Variants in KIRREL3 observed in about 807,000 individuals in gnomAD.
KIRREL3 encodes the protein kirre like nephrin family adhesion molecule 3, also known as kin of IRRE-like protein 3.
In KIRREL3, 36 loss-of-function variants were observed where a neutral mutation model predicts 89.7. The ratio of observed to expected loss-of-function variants is 0.40; its 90% CI spans 0.31 to 0.53. KIRREL3 has a LOEUF of 0.53. Among genes scored for constraint, KIRREL3 ranks in the 20% least tolerant of loss-of-function variants. KIRREL3 has a pLI of 0.49. For missense variants in KIRREL3, 864 were observed against 1,056.6 expected, an observed-to-expected ratio of 0.82 and a Z score of 2.53; for synonymous variants, 445 against 441.4, an observed-to-expected ratio of 1.01 and a Z score of -0.10.
At position 126,441,933 on chromosome 11, in the gene KIRREL3, G is replaced by A. The variant is rs940592508; in HGVS notation, c.1253-1384C>T. ...TGAGGAGATTGATGTTTTAGGAACC[G>A]GATGGTGCTTTGTTTTATTGCTGGA... On this transcript the variant is annotated intron_variant, in intron 10 of 16. Coordinates refer to ENST00000525144, the MANE Select transcript of KIRREL3 (RefSeq NM_032531.4). This position sits in a 1 kb window ranked among gnomAD's most constrained non-coding sequence, Gnocchi z 5.0. 6.6e-6 allele frequency among the ~76,000 whole-genome samples: 1 copy of A among 152,058 alleles called. No homozygotes were observed. Among genetic ancestry groups the A allele is most frequent in the Non-Finnish European group, 1.5e-5 (1 of 68,012 alleles).
rs138642811 is a variant in KIRREL3 at position 126,770,904 on chromosome 11, C to T, written c.56-207992G>A. Among the ~76,000 whole-genome samples the T allele has an allele frequency of 3.7e-3, 571 of 152,268 alleles. 6 individuals carry two copies. Among genetic ancestry groups the T allele is most frequent in the African/African-American group, 0.013 (526 of 41,542 alleles). ...AGGCTGGAGTGGAGTGGTGCGATCT[C>T]GGCTCACTGCAAACTCCACCTCCCA... is the stretch of plus-strand genomic sequence containing the variant. On this transcript the variant is annotated intron_variant, in intron 1 of 16. Transcript: ENST00000525144.
Position 126,924,761 on chromosome 11 carries a change from A to G in KIRREL3, c.55+75694T>C, listed in dbSNP as rs570880078. ...TTGCTTGGCCAAGGTGATTAACTGG[A>G]TGCCTGCTGTGTGCTCATCCCTGCC... On this transcript the variant is annotated intron_variant, in intron 1 of 16. Transcript: ENST00000525144. This position sits in a 1 kb window ranked among gnomAD's most constrained non-coding sequence, Gnocchi z 4.7. Among the ~76,000 whole-genome samples the G allele has an allele frequency of 1.3e-5, 2 of 152,204 alleles. No individual in the cohort carries two copies. The highest frequency in any genetic ancestry group is 4.8e-5 in the African/African-American group (2 of 41,526).
chr11:126,818,916 G>C (rs905603304), intron 1 of KIRREL3, among the ~76,000 whole-genome samples: 7 of 152,096 alleles, frequency 4.6e-5, no homozygotes, highest in Admixed American at 4.6e-4. Flanking sequence ...GGCAATAGCA[G>C]GGGACGTATC....
chr11:126,440,093 T>C (rs1955502754), intron 11 of KIRREL3: 1 of 462,706 alleles, frequency 2.2e-6, no homozygotes, highest in Non-Finnish European at 4.1e-6. Context: ...ACCTGCGCTC[T>C]AAGATTTTGC....
chr11:126,852,331 C>T (rs117080038), intron 1 of KIRREL3, among the ~76,000 whole-genome samples: 7,451 of 152,250 alleles, frequency 0.049, 258 homozygotes, highest in Non-Finnish European at 0.073. Flanking sequence ...GGATTACAGG[C>T]GTGAGCCACC....
Position 126,830,673 on chromosome 11 carries a change from C to T in KIRREL3, c.55+169782G>A, listed in dbSNP as rs1943576530. Among the ~76,000 whole-genome samples, 1 of 152,158 alleles carries T rather than the reference C, an allele frequency of 6.6e-6. No homozygotes were observed. Among genetic ancestry groups the T allele is most frequent in the African/African-American group, 2.4e-5 (1 of 41,418 alleles). ...CTTAGGAAGGTGTTCGTGCCAGACG[C>T]ATTCATTGTCTAACTGCCTGGATGC... On this transcript the variant is annotated intron_variant, in intron 1 of 16. Coordinates refer to ENST00000525144, the MANE Select transcript of KIRREL3 (RefSeq NM_032531.4). The surrounding 1 kb of genome is among the most constrained non-coding windows in gnomAD (Gnocchi z 4.9).
At position 126,890,665 on chromosome 11, in the gene KIRREL3, C is replaced by T. The variant is rs1315640755; in HGVS notation, c.55+109790G>A. On this transcript the variant is annotated intron_variant, in intron 1 of 16. Coordinates refer to ENST00000525144, the MANE Select transcript of KIRREL3 (RefSeq NM_032531.4). The surrounding 1 kb of genome is among the most constrained non-coding windows in gnomAD (Gnocchi z 5.1). ...GGCCAAGCAGCTTCTATCAGCTTTTCTCTTTCTTTACAGGCCCTGCCCAAA... is the reference window on the plus strand; with the variant it reads ...GGCCAAGCAGCTTCTATCAGCTTTTTTCTTTCTTTACAGGCCCTGCCCAAA... Among the ~76,000 whole-genome samples, 2 of 152,226 alleles carry T rather than the reference C, an allele frequency of 1.3e-5. No homozygotes were observed. The highest frequency in any genetic ancestry group is 4.8e-5 in the African/African-American group (2 of 41,464).
In KIRREL3 at chr11:126,747,605, T is replaced by C. The variant is rs1350721714; in HGVS notation, c.56-184693A>G. Reference sequence around the variant, plus strand: ...ACAGAAAAGGCACTGTATATCCCTCTTTCGTGGTATTAGGAACCTGGTATA... The same window carrying C: ...ACAGAAAAGGCACTGTATATCCCTCCTTCGTGGTATTAGGAACCTGGTATA... On this transcript the variant is annotated intron_variant, in intron 1 of 16. Coordinates refer to ENST00000525144, the MANE Select transcript of KIRREL3 (RefSeq NM_032531.4). This position sits in a 1 kb window ranked among gnomAD's most constrained non-coding sequence, Gnocchi z 4.7. Among the ~76,000 whole-genome samples, 2 of 152,092 alleles carry C rather than the reference T, an allele frequency of 1.3e-5. No individual in the cohort carries two copies. Among genetic ancestry groups the C allele is most frequent in the Non-Finnish European group, 2.9e-5 (2 of 68,022 alleles).
intron 2 of KIRREL3, among the ~76,000 whole-genome samples, chr11:126,536,364 C>T (rs926100891): frequency 6.6e-6 from 1 of 152,110 alleles, no homozygotes; most frequent in African/African-American, 2.4e-5. Context: ...CTTACTCCTC[C>T]CTGCCACCCA....
At chr11:126,644,345 G>C (rs1944581912) in intron 1 of KIRREL3, among the ~76,000 whole-genome samples, 2 of 152,218 alleles carry the variant, frequency 1.3e-5, no homozygotes, top group African/African-American at 4.8e-5. Flanking sequence ...AAAGATTGAA[G>C]ACCAAGGGAA....
rs994765048 is a variant in KIRREL3, at chr11:126,814,776, G to A, written c.55+185679C>T. On this transcript the variant is annotated intron_variant, in intron 1 of 16. Transcript: ENST00000525144. The surrounding 1 kb of genome is among the most constrained non-coding windows in gnomAD (Gnocchi z 4.4). ...CACACTGGGACCTGATGGGGGTGTG[G>A]GTTGGGGGAGGGAGAGCACTAGGAA... 6.6e-6 allele frequency among the ~76,000 whole-genome samples: 1 copy of A among 152,156 alleles called. No individual in the cohort carries two copies. Among genetic ancestry groups the A allele is most frequent in the Non-Finnish European group, 1.5e-5 (1 of 68,036 alleles).
At position 126,748,710 on chromosome 11, in the gene KIRREL3, T is replaced by C. The variant is rs758368814; in HGVS notation, c.56-185798A>G. On this transcript the variant is annotated intron_variant, in intron 1 of 16. Coordinates refer to ENST00000525144, the MANE Select transcript of KIRREL3 (RefSeq NM_032531.4). The surrounding 1 kb of genome is among the most constrained non-coding windows in gnomAD (Gnocchi z 4.6). ...GGAAGCTGCGTTTCGTGGTAACAAA[T>C]GAGGATTAAACCAGGCCACGTGTGC... is the stretch of plus-strand genomic sequence containing the variant. 1.3e-5 allele frequency among the ~76,000 whole-genome samples: 2 copies of C among 152,094 alleles called. No individual in the cohort carries two copies. The highest frequency in any genetic ancestry group is 2.4e-5 in the African/African-American group (1 of 41,414).
At position 126,891,312 on chromosome 11, in the gene KIRREL3, T is replaced by C. The variant is rs985163697; in HGVS notation, c.55+109143A>G. On this transcript the variant is annotated intron_variant, in intron 1 of 16. Transcript: ENST00000525144. This position sits in a 1 kb window ranked among gnomAD's most constrained non-coding sequence, Gnocchi z 5.1. ...GGATATCAAAATATCACTGTCTGAC[T>C]CTGATAATGACTTCCCAGAGTTTCA... Among the ~76,000 whole-genome samples, 1 of 152,194 alleles carries C rather than the reference T, an allele frequency of 6.6e-6. No homozygotes were observed. The highest frequency in any genetic ancestry group is 1.5e-5 in the Non-Finnish European group (1 of 68,028).
At chr11:126,503,385 A>G (rs1475635758) in intron 4 of KIRREL3, among the ~76,000 whole-genome samples, 1 of 152,072 alleles carries the variant, frequency 6.6e-6, no homozygotes, top group Non-Finnish European at 1.5e-5. Context: ...TCTCTCCCCT[A>G]GATGCCCCTA....
intron 1 of KIRREL3, among the ~76,000 whole-genome samples, chr11:126,596,819 C>A (rs950332599): frequency 7.9e-5 from 12 of 152,170 alleles, no homozygotes; most frequent in African/African-American, 2.4e-4. Context: ...AACCATCCAG[C>A]CTGGTCTTCC....
rs1957543882 is a variant in KIRREL3, at chr11:126,492,357, C to T, written c.434-18891G>A. Reference sequence around the variant, plus strand: ...GTGGATGTGACAAGGTGACATGACCCTAAGGCAGGGGGATGGACCTGGTGG... The same window carrying T: ...GTGGATGTGACAAGGTGACATGACCTTAAGGCAGGGGGATGGACCTGGTGG... On this transcript the variant is annotated intron_variant, in intron 4 of 16. Transcript: ENST00000525144. This position sits in a 1 kb window ranked among gnomAD's most constrained non-coding sequence, Gnocchi z 4.8. Among the ~76,000 whole-genome samples the T allele has an allele frequency of 6.6e-6, 1 of 152,176 alleles. No individual in the cohort carries two copies. Among genetic ancestry groups the T allele is most frequent in the Admixed American group, 6.5e-5 (1 of 15,276 alleles).
rs1270238771 is a variant in KIRREL3 at position 126,676,807 on chromosome 11, CAG to C, written c.56-113897_56-113896del. On this transcript the variant is annotated intron_variant, in intron 1 of 16. Transcript: ENST00000525144. The surrounding 1 kb of genome is among the most constrained non-coding windows in gnomAD (Gnocchi z 4.5). Reference sequence around the variant, plus strand: ...TGATTTTTTTTTTTTCCTTTTGAGACAGAGTCTCCCTCTGCCATCTGGACTGG... The same window carrying C: ...TGATTTTTTTTTTTTCCTTTTGAGACAGTCTCCCTCTGCCATCTGGACTGG... Among the ~76,000 whole-genome samples, 2 of 151,140 alleles carry C rather than the reference CAG, an allele frequency of 1.3e-5. No homozygotes were observed. Among genetic ancestry groups the C allele is most frequent in the African/African-American group, 2.4e-5 (1 of 41,106 alleles).
intron 1 of KIRREL3, among the ~76,000 whole-genome samples, chr11:126,613,057 A>G (rs1185364381): frequency 6.6e-6 from 1 of 152,224 alleles, no homozygotes; most frequent in Non-Finnish European, 1.5e-5. Flanking sequence ...AGAACCGCCA[A>G]ACTGCTTTCT....
rs577333027 is a variant in KIRREL3 at position 126,545,320 on chromosome 11, G to A, written c.133+17515C>T. Among the ~76,000 whole-genome samples, 15 of 152,270 alleles carry A rather than the reference G, an allele frequency of 9.9e-5. No homozygotes were observed. In the East Asian group the frequency reaches 2.9e-3, roughly 29 times the overall value. Reference sequence around the variant, plus strand: ...CTTTGAGCTGGCACCAAGGGGAGCCGTCTTTGCCTCCAGAGATATCTATCT... The same window carrying A: ...CTTTGAGCTGGCACCAAGGGGAGCCATCTTTGCCTCCAGAGATATCTATCT... On this transcript the variant is annotated intron_variant, in intron 2 of 16. Transcript: ENST00000525144.
Sources: allele counts gnomAD v4.1 joint callset (sites outside exome capture counted in the v4.1 genomes callset), GRCh38; gene constraint gnomAD v4.1.1; non-coding constraint Gnocchi (gnomAD v3.1); transcripts MANE v1.5; gene names NCBI Gene and HGNC (gene_info 2026-07-23, HGNC 2026-07-21).